The following HHLA1 variants were observed in gnomAD, a reference collection of about 807,000 sequenced individuals.
The protein encoded by HHLA1 is HERV-H LTR-associating protein 1.
HHLA1 carries 72 observed loss-of-function variants against 69.9 expected under a neutral mutation model. The observed-to-expected ratio is 1.03, with a 90% CI of 0.85 to 1.25. The LOEUF (loss-of-function observed/expected upper bound fraction) is 1.25. HHLA1 is among the 50% of genes most tolerant of loss of function. HHLA1 has a pLI of 0.00. For missense variants in HHLA1, 685 were observed against 642.2 expected (o/e 1.07, Z -0.72); for synonymous variants, 252 against 233.2 (o/e 1.08, Z -0.73).
chr8:132,076,629 T>C, intron 12 of HHLA1, 86 bp from the exon 13 acceptor site: 1 of 824,486 alleles, frequency 1.2e-6, no homozygotes, highest in Admixed American at 3.6e-5. Flanking sequence ...TATCCTGCCC[T>C]ATCCAACCAA....
chr8:132,092,093 G>A (rs1823955575), intron 7 of HHLA1, among the ~76,000 whole-genome samples: 1 of 152,208 alleles, frequency 6.6e-6, no homozygotes, highest in Non-Finnish European at 1.5e-5. Flanking sequence ...TCACTGGAAT[G>A]AAATGGTTTT....
rs909394734 is a variant in HHLA1, at chr8:132,077,972, C to T, written c.926-1G>A. ...TGAGTTCTGGCCACCCTCCTGGTAG[C>T]TGCACATTCAAAGTGACAGTAACAG... On this transcript the variant is annotated splice_acceptor_variant, in intron 11 of 16. Coordinates refer to ENST00000414222, the MANE Select transcript of HHLA1 (RefSeq NM_001145095.3). LOFTEE classifies it high-confidence loss of function. The T allele has an allele frequency of 1.3e-6, 2 of 1,551,410 alleles. No homozygotes were observed. Among genetic ancestry groups the T allele is most frequent in the East Asian group, 4.9e-5 (2 of 40,918 alleles).
chr8:132,079,998 A>G (rs556776117), intron 10 of HHLA1, 32 bp from the exon 11 acceptor site: 2 of 1,552,124 alleles, frequency 1.3e-6, no homozygotes, highest in East Asian at 2.4e-5. Context: ...TAACATTAAC[A>G]TGCTTGACAC....
chr8:132,099,472 TGGAG>T (rs200673781), intron 4 of HHLA1, among the ~76,000 whole-genome samples: 2,669 of 152,276 alleles, frequency 0.018, 85 homozygotes, highest in African/African-American at 0.057. Flanking sequence ...TGACCCAGAA[TGGAG>T]GGAGAAATCT....
chr8:132,107,861 C>G (rs1474247284), intron 1 of HHLA1, among the ~76,000 whole-genome samples: 1 of 151,722 alleles, frequency 6.6e-6, no homozygotes, highest in African/African-American at 2.4e-5. Context: ...TAAAGGAACA[C>G]TTCAGACTGG....
At chr8:132,111,051 AGAG>A (rs1349751186) in intron 1 of HHLA1, 48 bp downstream of exon 1, 1 of 152,224 alleles carries the variant, frequency 6.6e-6, no homozygotes, top group Non-Finnish European at 1.5e-5. Flanking sequence ...CATGCTTTGA[AGAG>A]GAGGAGGAAC....
chr8:132,073,661 A>G (rs183217094), intron 14 of HHLA1, among the ~76,000 whole-genome samples: 41 of 152,294 alleles, frequency 2.7e-4, no homozygotes, highest in African/African-American at 8.2e-4. Context: ...CACTACTTGA[A>G]CATAATTAAC....
At chr8:132,084,795 A>G (rs903636280) in intron 10 of HHLA1, among the ~76,000 whole-genome samples, 1 of 151,844 alleles carries the variant, frequency 6.6e-6, no homozygotes, top group African/African-American at 2.4e-5. Context: ...GCCCTCCAGA[A>G]AAGTAGAGAA....
chr8:132,080,476 G>T (rs967644538), intron 10 of HHLA1: 5 of 259,318 alleles, frequency 1.9e-5, no homozygotes, highest in Non-Finnish European at 3.7e-5. Flanking sequence ...TTTGAGCCAG[G>T]ATGAGCCAGG....
At chr8:132,084,377 G>T (rs1823822748) in intron 10 of HHLA1, among the ~76,000 whole-genome samples, 1 of 152,048 alleles carries the variant, frequency 6.6e-6, no homozygotes, top group Non-Finnish European at 1.5e-5. Context: ...TTGGTACTGA[G>T]GGGACAGGCT....
At chr8:132,079,589 A>G (rs1337684316) in intron 11 of HHLA1, 129 bp downstream of exon 11, 1 of 1,013,346 alleles carries the variant, frequency 9.9e-7, no homozygotes, top group African/African-American at 1.6e-5. Context: ...CTGTTATTTA[A>G]GTAAGCTGAA....
At chr8:132,081,930 T>C (rs182589104) in intron 10 of HHLA1, among the ~76,000 whole-genome samples, 2,673 of 152,190 alleles carry the variant, frequency 0.018, 78 homozygotes, top group African/African-American at 0.058. Flanking sequence ...TGTACTATAG[T>C]ATAACCTGCC....
At chr8:132,066,092 C>A (rs1823433989) in intron 15 of HHLA1, 124 bp from the exon 16 acceptor site, 3 of 395,914 alleles carry the variant, frequency 7.6e-6, no homozygotes, top group African/African-American at 4.2e-5. Context: ...AGCAAGGAAC[C>A]CTCTGCCCAT....
chr8:132,098,260 C>G (rs1824053907), intron 5 of HHLA1, among the ~76,000 whole-genome samples: 1 of 152,092 alleles, frequency 6.6e-6, no homozygotes, highest in Admixed American at 6.5e-5. Context: ...CTAAAGAACA[C>G]AGAAAGAAGA....
In HHLA1 at chr8:132,088,986, T is replaced by C. The variant is rs572220295; in HGVS notation, c.532+530A>G. Among the ~76,000 whole-genome samples, 3 of 152,342 alleles carry C rather than the reference T, an allele frequency of 2.0e-5. No homozygotes were observed. In the South Asian group the frequency reaches 6.2e-4, roughly 32 times the overall value. ...GCTCCACAGTGCATCACACCGTCTT[T>C]CTGCTGAGACCAGTTGTTGGACTGT... On this transcript the variant is annotated intron_variant, in intron 8 of 16. Transcript: ENST00000414222.
In HHLA1 at chr8:132,063,160, CA is replaced by C. The variant is rs1823381170; in HGVS notation, c.*834del. ...GGATTAGATGCTGACTGTGCAACCC[CA>C]CTGGAAGCTTGTGCCTGGGCTCTCT... On this transcript the variant is annotated 3_prime_UTR_variant, in exon 17 of 17. Coordinates refer to ENST00000414222, the MANE Select transcript of HHLA1 (RefSeq NM_001145095.3). The C allele has an allele frequency of 6.6e-6, 1 of 152,220 alleles. No individual in the cohort carries two copies. The highest frequency in any genetic ancestry group is 6.5e-5 in the Admixed American group (1 of 15,286). The allele number at this position is 152,220 out of a possible 1,614,324, so 9.4% of individuals were successfully genotyped here. A position where few individuals can be genotyped will look rare whatever the true frequency, so the allele number is the denominator to read the frequency against.
intron 14 of HHLA1, among the ~76,000 whole-genome samples, chr8:132,075,059 A>G: frequency 6.6e-6 from 1 of 152,200 alleles, no homozygotes; most frequent in East Asian, 1.9e-4. Context: ...ATCTCACAAC[A>G]GCCTCCATCT....
chr8:132,095,978 A>G (rs1824021559), intron 5 of HHLA1, among the ~76,000 whole-genome samples, 192 bp from the exon 6 acceptor site: 1 of 152,244 alleles, frequency 6.6e-6, no homozygotes, highest in African/African-American at 2.4e-5. Context: ...GCTGAAGAGT[A>G]TGTATCATTT....
At chr8:132,069,355 GT>G (rs576274240) in intron 15 of HHLA1, among the ~76,000 whole-genome samples, 15 of 151,722 alleles carry the variant, frequency 9.9e-5, no homozygotes, top group East Asian at 1.9e-4. Flanking sequence ...TCCCACCAGT[GT>G]TTTTTTTGTT....
Sources: allele counts gnomAD v4.1 joint callset (sites outside exome capture counted in the v4.1 genomes callset), GRCh38; gene constraint gnomAD v4.1.1; transcripts MANE v1.5; gene names NCBI Gene and HGNC (gene_info 2026-07-23, HGNC 2026-07-21).